VSIG2: variants seen among roughly 807,000 people sequenced by gnomAD.
The protein encoded by VSIG2 is V-set and immunoglobulin domain-containing protein 2.
Under a neutral mutation model 29.4 loss-of-function variants are expected in VSIG2, and 30 were observed. The ratio of observed to expected loss-of-function variants is 1.02; its 90% CI spans 0.76 to 1.38. The LOEUF is 1.38. Ranked by LOEUF, VSIG2 falls within the 40% of genes most tolerant of loss-of-function variation. The pLI is 0.00. For missense variants in VSIG2, 421 were observed against 400.8 expected (o/e 1.05, Z -0.43); for synonymous variants, 178 against 174.2 (o/e 1.02, Z -0.17).
chr11:124,749,885 A>AAAACAAAAAAC lies in VSIG2; in HGVS notation c.428-20_428-19insGTTTTTTGTTT, dbSNP rs1555108852. 12 of 1,419,174 alleles carry AAAACAAAAAAC rather than the reference A, an allele frequency of 8.5e-6. No individual in the cohort carries two copies. In the African/African-American group the frequency reaches 1.3e-4, roughly 15 times the overall value. 87.9% of individuals were successfully genotyped at this position (1,419,174 alleles called of 1,614,324 possible). A position where few individuals can be genotyped will look rare whatever the true frequency, so the allele number is the denominator to read the frequency against. ...GGGGGAACTGCAAAAAAAAAAAAAA[A>AAAACAAAAAAC]AAAAAAAAAACAGAAAGTTCCTCAG... On this transcript the variant is annotated intron_variant, in intron 3 of 6. Coordinates refer to ENST00000326621, the MANE Select transcript of VSIG2 (RefSeq NM_014312.5).
rs1478160071 is a variant in VSIG2 at position 124,750,849 on chromosome 11, G to C, written c.292C>G (p.Pro98Ala). 1.2e-6 allele frequency: 2 copies of C among 1,613,964 alleles called. No individual in the cohort carries two copies. Among genetic ancestry groups the C allele is most frequent in the Non-Finnish European group, 1.7e-6 (2 of 1,180,014 alleles). Residue 98 changes from proline (P) to alanine (A), a missense_variant, in exon 3 of 7, where the codon CCC (proline) becomes GCC (alanine). Coordinates refer to ENST00000326621, the MANE Select transcript of VSIG2 (RefSeq NM_014312.5). The part of the protein sequence containing the change: ...KSKRVSLLQN[P>A]PTVGVATLKL... ...AGTGTGGCCACCCCCACTGTGGGGGGGTTCTGAAGCAGGCTGACCCGCTTT... is the reference window on the plus strand; with the variant it reads ...AGTGTGGCCACCCCCACTGTGGGGGCGTTCTGAAGCAGGCTGACCCGCTTT...
Position 124,748,625 on chromosome 11 carries a change from C to T in VSIG2, c.706+19G>A. The T allele has an allele frequency of 6.2e-7, 1 of 1,609,782 alleles. No homozygotes were observed. The highest frequency in any genetic ancestry group is 8.5e-7 in the Non-Finnish European group (1 of 1,177,442). On this transcript the variant is annotated intron_variant, in intron 5 of 6. Transcript: ENST00000326621. ...CCCAACACAAGGCTGCTGGCCTGGC[C>T]TCCACCCAGCATCCCTACCGGTCAC...
chr11:124,750,681 G>A (rs758692211), intron 3 of VSIG2, 33 bp downstream of exon 3: 1 of 1,604,884 alleles, frequency 6.2e-7, no homozygotes, highest in South Asian at 1.1e-5. Flanking sequence ...ATGTGAAAGA[G>A]TATGTGGCTC....
Position 124,751,452 on chromosome 11 carries a change from G to A in VSIG2, c.190C>T (p.Pro64Ser), listed in dbSNP as rs1944084990. 1 of 1,612,768 alleles carries A rather than the reference G, an allele frequency of 6.2e-7. No individual in the cohort carries two copies. Among genetic ancestry groups the A allele is most frequent in the Admixed American group, 1.7e-5 (1 of 60,008 alleles). The change falls in exon 2 of 7, where the codon CCT becomes TCT. Residue 64 changes from proline (P) to serine (S), a missense_variant. Physicochemically the swap from Pro to Ser is moderately conservative, Grantham distance 74 (BLOSUM62 -1). Coordinates refer to ENST00000326621, the MANE Select transcript of VSIG2 (RefSeq NM_014312.5). Reference sequence around the variant, plus strand: ...TGGGACTCAGAGATGGGTTTCCCAGGCTGCACAAAGCTCCACTCCAGGGCG... The same window carrying A: ...TGGGACTCAGAGATGGGTTTCCCAGACTGCACAAAGCTCCACTCCAGGGCG... ...SFALEWSFVQ[P>S]GKPISESHPI...
chr11:124,747,598 C>T lies in VSIG2; in HGVS notation c.921G>A (p.Leu307=), dbSNP rs762175615. The T allele has an allele frequency of 6.2e-7, 1 of 1,613,860 alleles. No homozygotes were observed. The highest frequency in any genetic ancestry group is 2.2e-5 in the East Asian group (1 of 44,852). Residue 307 remains leucine (L), a synonymous_variant, in exon 7 of 7, where the codon CTG becomes CTA. Coordinates refer to ENST00000326621, the MANE Select transcript of VSIG2 (RefSeq NM_014312.5). ...CMRADSSKGF[L]ERPSSASTVT... ...CGGTGCTGGCAGACGAGGGTCTTTCCAGGAACCCCTTGCTAGAATCAGCCC... is the reference window on the plus strand; with the variant it reads ...CGGTGCTGGCAGACGAGGGTCTTTCTAGGAACCCCTTGCTAGAATCAGCCC...
In VSIG2 at chr11:124,748,717, G is replaced by A. The variant is rs1944046119; in HGVS notation, c.633C>T (p.Ser211=). Residue 211 remains serine, a synonymous_variant, in exon 5 of 7, where the codon TCC becomes TCT. Transcript: ENST00000326621. ...QLILTNLSLT[S]SGTYRCVATN... ...TGGCCACACAGCGGTAGGTGCCCGA[G>A]GAGGTCAGGGAGAGGTTGGTGAGAA... The A allele has an allele frequency of 6.2e-7, 1 of 1,614,124 alleles. No individual in the cohort carries two copies.
Position 124,752,086 on chromosome 11 carries a change from A to G in VSIG2, c.52T>C (p.Cys18Arg). ...CCCGGCCCCTCCTCACCACTCAGGC[A>G]CAGGAAGCCTAGCAGGGCCCCGCAG... is the stretch of plus-strand genomic sequence containing the variant. ...FLCGALLGFL[C>R]LSGLAVEVKV... The change falls in exon 1 of 7, where the codon TGC (cysteine) becomes CGC (arginine). Residue 18 changes from cysteine (C) to arginine (R), a missense_variant. Transcript: ENST00000326621. 6.2e-7 allele frequency: 1 copy of G among 1,606,760 alleles called. No individual in the cohort carries two copies. The highest frequency in any genetic ancestry group is 2.2e-5 in the East Asian group (1 of 44,724).
At chr11:124,748,613 T>C (rs762898373) in intron 5 of VSIG2, 31 bp downstream of exon 5, 70 of 1,608,332 alleles carry the variant, frequency 4.4e-5, no homozygotes, top group Non-Finnish European at 5.8e-5. Context: ...AACACAAGGC[T>C]GCTGGCCTGG....
intron 2 of VSIG2, 61 bp downstream of exon 2, chr11:124,751,362 C>A: frequency 6.3e-7 from 1 of 1,599,086 alleles, no homozygotes. Context: ...ACCCCATGCC[C>A]TCATCCTGGG....
Position 124,752,151 on chromosome 11 carries a change from C to T in VSIG2, c.-14G>A. ...GAGCTCGGCCATGGCCGCGTCCGGCCGTCCTGTCCTGCTCCTGCCAGGTGG... is the reference window on the plus strand; with the variant it reads ...GAGCTCGGCCATGGCCGCGTCCGGCTGTCCTGTCCTGCTCCTGCCAGGTGG... On this transcript the variant is annotated 5_prime_UTR_variant, in exon 1 of 7. Coordinates refer to ENST00000326621, the MANE Select transcript of VSIG2 (RefSeq NM_014312.5). 1.9e-6 allele frequency: 3 copies of T among 1,573,018 alleles called. No homozygotes were observed. Among genetic ancestry groups the T allele is most frequent in the Non-Finnish European group, 2.6e-6 (3 of 1,164,840 alleles).
rs761863422 is a variant in VSIG2, at chr11:124,749,892, A to AAAAC, written c.428-30_428-27dup. ...CTGCAAAAAAAAAAAAAAAAAAAAA[A>AAAAC]AAACAGAAAGTTCCTCAGCAATCTT... On this transcript the variant is annotated intron_variant, in intron 3 of 6. Transcript: ENST00000326621. 6 of 1,531,698 alleles carry AAAAC rather than the reference A, an allele frequency of 3.9e-6. No homozygotes were observed. The Admixed American group carries it at 1.1e-4, about 27-fold the overall frequency. The allele number at this position is 1,531,698 out of a possible 1,614,324, so 94.9% of individuals were successfully genotyped here.
In VSIG2 at chr11:124,749,870, CAAAAA is replaced by C. The variant is rs757471583; in HGVS notation, c.428-9_428-5del. 1,110 of 778,238 alleles carry C rather than the reference CAAAAA, an allele frequency of 1.4e-3. No individual in the cohort carries two copies. The highest frequency in any genetic ancestry group is 6.7e-3 in the African/African-American group (161 of 24,016). 48.2% of individuals were successfully genotyped at this position (778,238 alleles called of 1,614,324 possible). A position where few individuals can be genotyped will look rare whatever the true frequency, so the allele number is the denominator to read the frequency against. On this transcript the variant is annotated splice_polypyrimidine_tract_variant and splice_region_variant and intron_variant, in intron 3 of 6. Transcript: ENST00000326621. ...CATAAGGGATTACTGGGGGGAACTGCAAAAAAAAAAAAAAAAAAAAAAAAACAGAA... is the reference window on the plus strand; with the variant it reads ...CATAAGGGATTACTGGGGGGAACTGCAAAAAAAAAAAAAAAAAAAACAGAA...
chr11:124,751,352 AC>A, intron 2 of VSIG2, 70 bp downstream of exon 2: 1 of 1,587,518 alleles, frequency 6.3e-7, no homozygotes, highest in Non-Finnish European at 8.6e-7. Context: ...CCCCCTCCCG[AC>A]CCCATGCCCT....
At chr11:124,751,860 C>T (rs1335819554) in intron 1 of VSIG2, among the ~76,000 whole-genome samples, 6 of 152,220 alleles carry the variant, frequency 3.9e-5, no homozygotes, top group African/African-American at 1.2e-4. Context: ...GCCTGTGCCG[C>T]GGAGAGGCCC....
rs143026866 is a variant in VSIG2, at chr11:124,750,430, G to C, written c.427+284C>G. 5.6e-3 allele frequency among the ~76,000 whole-genome samples: 848 copies of C among 152,220 alleles called. 13 individuals carry two copies. The highest frequency in any genetic ancestry group is 0.019 in the African/African-American group (798 of 41,544). On this transcript the variant is annotated intron_variant, in intron 3 of 6. Transcript: ENST00000326621. ...AACTACCGATGAGAGCCTCCCCCAT[G>C]ATGGAGCTGCTGGGAGCAGGCTCAG...
intron 3 of VSIG2, among the ~76,000 whole-genome samples, 195 bp from the exon 4 acceptor site, chr11:124,750,061 A>G (rs2134452254): frequency 6.6e-6 from 1 of 152,252 alleles, no homozygotes; most frequent in East Asian, 1.9e-4. Flanking sequence ...GTTAGAGAAA[A>G]TTCTTCTTCA....
At chr11:124,751,997 A>T in intron 1 of VSIG2, 80 bp downstream of exon 1, 1 of 1,437,088 alleles carries the variant, frequency 7.0e-7, no homozygotes, top group Non-Finnish European at 9.1e-7. Flanking sequence ...CCTGGCGGGG[A>T]CAGAGTGGGT....
chr11:124,749,506 A>G (rs1944055070), intron 4 of VSIG2, among the ~76,000 whole-genome samples: 1 of 152,172 alleles, frequency 6.6e-6, no homozygotes, highest in Non-Finnish European at 1.5e-5. Context: ...AGCTTGAGAA[A>G]TACCCCCAGG....
At chr11:124,749,621 T>C (rs1427917207) in intron 4 of VSIG2, 87 bp downstream of exon 4, 5 of 1,516,722 alleles carry the variant, frequency 3.3e-6, no homozygotes, top group Non-Finnish European at 4.4e-6. Context: ...CCCCTAGTCA[T>C]GGAACGGATA....
Sources: gnomAD v4.1 joint callset for allele counts (sites outside exome capture counted in the v4.1 genomes callset) on GRCh38, gnomAD v4.1.1 for gene constraint, MANE v1.5 for transcripts, NCBI Gene and HGNC (gene_info 2026-07-23, HGNC 2026-07-21) for gene names.